GNA14: variants seen among roughly 807,000 people sequenced by gnomAD.
GNA14 encodes the protein guanine nucleotide-binding protein subunit alpha-14.
GNA14 carries 50 observed loss-of-function variants against 42.0 expected under a neutral mutation model. That is an observed-to-expected ratio of 1.19 (90% CI 0.95 to 1.51). The LOEUF (loss-of-function observed/expected upper bound fraction) is 1.51, where lower values mean the gene tolerates loss of function less well. GNA14 is among the 40% of genes most tolerant of loss of function. The probability of loss-of-function intolerance (pLI) is 0.00; values close to 1 mark genes in which losing one functional copy is unlikely to be tolerated. For missense variants in GNA14, 473 were observed against 446.2 expected (o/e 1.06, Z -0.54); for synonymous variants, 173 against 163.1 (o/e 1.06, Z -0.46).
intron 1 of GNA14, among the ~76,000 whole-genome samples, chr9:77,646,200 C>T (rs1824349201): frequency 6.6e-6 from 1 of 152,234 alleles, no homozygotes; most frequent in African/African-American, 2.4e-5. Context: ...TCCCTCCACT[C>T]CTACCCAGCC....
At chr9:77,587,037 A>T (rs1157139562) in intron 1 of GNA14, among the ~76,000 whole-genome samples, 2 of 151,220 alleles carry the variant, frequency 1.3e-5, no homozygotes, top group Non-Finnish European at 2.9e-5. Context: ...TTAAAGGAAA[A>T]TCTTACTAAG....
intron 2 of GNA14, among the ~76,000 whole-genome samples, chr9:77,513,152 G>C (rs1022755689): frequency 6.6e-6 from 1 of 152,246 alleles, no homozygotes; most frequent in Non-Finnish European, 1.5e-5. Context: ...GCCAGGAATA[G>C]AGAATCCAAG....
chr9:77,643,240 A>AT (rs113345502), intron 1 of GNA14, among the ~76,000 whole-genome samples: 9,311 of 137,278 alleles, frequency 0.068, 487 homozygotes, highest in African/African-American at 0.14. Flanking sequence ...AGGTGTTGTC[A>AT]TTTTTTTTTT....
chr9:77,500,383 A>G (rs1348791038), intron 2 of GNA14, among the ~76,000 whole-genome samples: 3 of 152,174 alleles, frequency 2.0e-5, no homozygotes, highest in African/African-American at 7.2e-5. Context: ...TTAAATTTTA[A>G]CTCTTTGATA....
intron 1 of GNA14, among the ~76,000 whole-genome samples, chr9:77,596,012 G>C (rs1168141158): frequency 6.6e-6 from 1 of 151,878 alleles, no homozygotes; most frequent in Non-Finnish European, 1.5e-5. Context: ...GGAGGGAGCT[G>C]GTATCTCCCC....
At chr9:77,584,568 C>T (rs1461731904) in intron 1 of GNA14, among the ~76,000 whole-genome samples, 13 of 148,052 alleles carry the variant, frequency 8.8e-5, no homozygotes, top group Admixed American at 8.8e-4. Flanking sequence ...GAAGAGCCAG[C>T]AAGCCCAAAC....
intron 1 of GNA14, among the ~76,000 whole-genome samples, chr9:77,637,714 G>A (rs1824204876): frequency 6.6e-6 from 1 of 152,180 alleles, no homozygotes; most frequent in South Asian, 2.1e-4. Context: ...AACCTAGCCG[G>A]GTGTGGTAGC....
At chr9:77,510,018 A>AT (rs1837134372) in intron 2 of GNA14, among the ~76,000 whole-genome samples, 1 of 152,202 alleles carries the variant, frequency 6.6e-6, no homozygotes, top group Non-Finnish European at 1.5e-5. Context: ...CAATTCAATT[A>AT]TTTTTAGTAT....
At chr9:77,468,888 C>T (rs1316118373) in intron 2 of GNA14, among the ~76,000 whole-genome samples, 2 of 152,204 alleles carry the variant, frequency 1.3e-5, no homozygotes, top group East Asian at 3.8e-4. Context: ...TTGAGTATTG[C>T]TTGCTTCTCC....
At chr9:77,518,170 A>AT (rs1837291696) in intron 2 of GNA14, 1 of 152,096 alleles carries the variant, frequency 6.6e-6, no homozygotes, top group Non-Finnish European at 1.5e-5. Context: ...GAGGAAGGGA[A>AT]TAAAAACACT....
chr9:77,499,621 G>T (rs1041755323), intron 2 of GNA14, among the ~76,000 whole-genome samples: 1 of 152,010 alleles, frequency 6.6e-6, no homozygotes, highest in African/African-American at 2.4e-5. Context: ...GAGGCTGAGG[G>T]GGGTGGATCA....
At chr9:77,524,335 A>G (rs76623720) in intron 2 of GNA14, among the ~76,000 whole-genome samples, 2,217 of 152,368 alleles carry the variant, frequency 0.015, 32 homozygotes, top group Non-Finnish European at 0.021. Flanking sequence ...GACTTTCAAC[A>G]GCCTAGCTGA....
chr9:77,501,399 T>A lies in GNA14; in HGVS notation c.309+27670A>T, dbSNP rs190288904. Among the ~76,000 whole-genome samples, 4 of 152,362 alleles carry A rather than the reference T, an allele frequency of 2.6e-5. No individual in the cohort carries two copies. The South Asian group carries it at 6.2e-4, about 24-fold the overall frequency. On this transcript the variant is annotated intron_variant, in intron 2 of 6. Transcript: ENST00000341700. ...TTGTTTTTTCTTTTAATCATTCTGA[T>A]AGGTATAGAGTAATACCTCATTGTG... is the stretch of plus-strand genomic sequence containing the variant.
chr9:77,564,747 C>T (rs1019222909), intron 1 of GNA14, among the ~76,000 whole-genome samples: 2 of 151,846 alleles, frequency 1.3e-5, no homozygotes, highest in African/African-American at 4.8e-5. Flanking sequence ...GCGTGAGAAT[C>T]GCTTGAACCC....
At chr9:77,600,521 T>C (rs1823540562) in intron 1 of GNA14, among the ~76,000 whole-genome samples, 1 of 152,162 alleles carries the variant, frequency 6.6e-6, no homozygotes, top group South Asian at 2.1e-4. Context: ...AACTCTCTAA[T>C]GTGTGTCACA....
chr9:77,616,685 G>A (rs17063814), intron 1 of GNA14, among the ~76,000 whole-genome samples: 19,118 of 152,072 alleles, frequency 0.13, 1,762 homozygotes, highest in African/African-American at 0.26. Context: ...TTTACTCTAC[G>A]TCATAATTCC....
chr9:77,519,304 G>C (rs1034221211), intron 2 of GNA14, among the ~76,000 whole-genome samples: 1 of 152,164 alleles, frequency 6.6e-6, no homozygotes, highest in South Asian at 2.1e-4. Context: ...CCAGCTATTC[G>C]GGAGGCTGAG....
intron 2 of GNA14, among the ~76,000 whole-genome samples, chr9:77,494,232 C>A (rs1836834012): frequency 6.6e-6 from 1 of 152,062 alleles, no homozygotes; most frequent in East Asian, 1.9e-4. Flanking sequence ...AATATAGTTT[C>A]AAATGTCCAT....
chr9:77,592,317 C>T (rs539762529), intron 1 of GNA14, among the ~76,000 whole-genome samples: 55 of 152,198 alleles, frequency 3.6e-4, no homozygotes, highest in Non-Finnish European at 5.6e-4. Flanking sequence ...TGCTTACACG[C>T]GCATGTGTTA....
Sources: gnomAD v4.1 joint callset for allele counts (sites outside exome capture counted in the v4.1 genomes callset) on GRCh38, gnomAD v4.1.1 for gene constraint, MANE v1.5 for transcripts, NCBI Gene and HGNC (gene_info 2026-07-23, HGNC 2026-07-21) for gene names.